The following SNAI1 variants were observed in gnomAD, a reference collection of about 807,000 sequenced individuals.
The protein encoded by SNAI1 is snail family transcriptional repressor 1.
SNAI1 carries 15 observed loss-of-function variants against 24.7 expected under a neutral mutation model. The ratio of observed to expected loss-of-function variants is 0.61; its 90% CI spans 0.41 to 0.93. The LOEUF (loss-of-function observed/expected upper bound fraction) is 0.93. Among genes scored for constraint, SNAI1 ranks in the 40% least tolerant of loss-of-function variants. The probability of loss-of-function intolerance (pLI) is 0.00; values close to 1 mark genes in which losing one functional copy is unlikely to be tolerated. For synonymous variants in SNAI1, 163 were observed against 142.9 expected, an observed-to-expected ratio of 1.14 and a Z score of -1.00; for missense variants, 283 against 336.7, an observed-to-expected ratio of 0.84 and a Z score of 1.25.
chr20:49,983,144 G>C lies in SNAI1; in HGVS notation c.82+3G>C, dbSNP rs929916933. 10 of 1,611,528 alleles carry C rather than the reference G, an allele frequency of 6.2e-6. No homozygotes were observed. The highest frequency in any genetic ancestry group is 1.1e-5 in the South Asian group (1 of 90,948). On this transcript the variant is annotated splice_donor_region_variant and intron_variant, in intron 1 of 2. Transcript: ENST00000244050. ...CGAGCTGCAGGACTCTAATCCAGGT[G>C]CGTTGGAGGGGTTCTGGGCTCCAGG...
chr20:49,987,563 G>A (rs936170152), intron 2 of SNAI1, among the ~76,000 whole-genome samples: 5 of 152,122 alleles, frequency 3.3e-5, no homozygotes, highest in African/African-American at 7.2e-5. Context: ...ACGTCCCTGC[G>A]GGATGTGGAT....
Position 49,983,106 on chromosome 20 carries a change from A to G in SNAI1, c.47A>G (p.Lys16Arg), listed in dbSNP as rs1236903654. Residue 16 changes from lysine (K) to arginine (R), a missense_variant, in exon 1 of 3, where the codon AAG (lysine) becomes AGG (arginine). Coordinates refer to ENST00000244050, the MANE Select transcript of SNAI1 (RefSeq NM_005985.4). ...LVRKPSDPNR[K>R]PNYSELQDSN... is the part of the protein sequence containing the mutation. ...AGGAAGCCCTCCGACCCCAATCGGA[A>G]GCCTAACTACAGCGAGCTGCAGGAC... is the stretch of plus-strand genomic sequence containing the variant. 1 of 1,613,862 alleles carries G rather than the reference A, an allele frequency of 6.2e-7. No individual in the cohort carries two copies. The highest frequency in any genetic ancestry group is 1.3e-5 in the African/African-American group (1 of 75,006).
At position 49,983,227 on chromosome 20, in the gene SNAI1, C is replaced by T; in HGVS notation, c.82+86C>T. 4 of 1,025,568 alleles carry T rather than the reference C, an allele frequency of 3.9e-6. No homozygotes were observed. In the South Asian group the frequency reaches 5.3e-5, roughly 14 times the overall value. The allele number at this position is 1,025,568 out of a possible 1,614,324, so 63.5% of individuals were successfully genotyped here. On this transcript the variant is annotated intron_variant, in intron 1 of 2. Coordinates refer to ENST00000244050, the MANE Select transcript of SNAI1 (RefSeq NM_005985.4). ...GGGGCACCTGAGGGAGGCGGCCTGC[C>T]TGAGCCAGGATCGAGTCACAGGATG...
At chr20:49,984,470 G>A in intron 2 of SNAI1, 119 bp downstream of exon 2, 1 of 1,061,256 alleles carries the variant, frequency 9.4e-7, no homozygotes, top group South Asian at 1.7e-5. Context: ...CTAACTTCTA[G>A]CTCAAGTTCC....
intron 2 of SNAI1, among the ~76,000 whole-genome samples, chr20:49,986,125 A>G (rs1215455590): frequency 6.6e-6 from 1 of 152,236 alleles, no homozygotes; most frequent in Admixed American, 6.5e-5. Flanking sequence ...CCCCTTTTCC[A>G]GATCTCCAGA....
rs932356999 is a variant in SNAI1 at position 49,988,221 on chromosome 20, G to A, written c.*165G>A. Reference sequence around the variant, plus strand: ...AGGACTTTGATGAAGACCATTTTCTGGTTCTGTGTCCTCTGCCTGGGCTCT... The same window carrying A: ...AGGACTTTGATGAAGACCATTTTCTAGTTCTGTGTCCTCTGCCTGGGCTCT... On this transcript the variant is annotated 3_prime_UTR_variant, in exon 3 of 3. Coordinates refer to ENST00000244050, the MANE Select transcript of SNAI1 (RefSeq NM_005985.4). 2 of 620,212 alleles carry A rather than the reference G, an allele frequency of 3.2e-6. No individual in the cohort carries two copies. Among genetic ancestry groups the A allele is most frequent in the African/African-American group, 1.9e-5 (1 of 53,126 alleles). The allele number at this position is 620,212 out of a possible 1,614,324, so 38.4% of individuals were successfully genotyped here.
chr20:49,986,284 C>CT (rs1432015413), intron 2 of SNAI1, among the ~76,000 whole-genome samples: 1 of 152,196 alleles, frequency 6.6e-6, no homozygotes, highest in African/African-American at 2.4e-5. Flanking sequence ...CCCCAATCCT[C>CT]TATGTCCCCC....
intron 2 of SNAI1, among the ~76,000 whole-genome samples, 197 bp downstream of exon 2, chr20:49,984,548 A>G (rs550818623): frequency 3.5e-4 from 53 of 152,328 alleles, no homozygotes; most frequent in African/African-American, 1.2e-3. Flanking sequence ...GGCAAAGCAG[A>G]CACCTTCCCA....
rs749072861 is a variant in SNAI1 at position 49,984,110 on chromosome 20, C to T, written c.369C>T (p.Ala123=). Residue 123 remains alanine (A), a synonymous_variant, in exon 2 of 3, where the codon GCC becomes GCT. Transcript: ENST00000244050. The stretch of plus-strand genomic sequence containing the variant: ...CTACTTCAGTCTCTTCCTTGGAGGC[C>T]GAGGCCTATGCTGCCTTCCCAGGCT... The part of the protein sequence containing the change: ...FSSTSVSSLE[A]EAYAAFPGLG... 14 of 1,614,208 alleles carry T rather than the reference C, an allele frequency of 8.7e-6. No homozygotes were observed. The highest frequency in any genetic ancestry group is 2.2e-5 in the East Asian group (1 of 44,880).
chr20:49,984,424 A>C, intron 2 of SNAI1, 73 bp downstream of exon 2: 1 of 1,426,170 alleles, frequency 7.0e-7, no homozygotes, highest in Non-Finnish European at 9.4e-7. Flanking sequence ...TGCTGTTCTC[A>C]TTCCCAAAGC....
Position 49,987,918 on chromosome 20 carries a change from C to G in SNAI1, c.657C>G (p.Asp219Glu). ...CCCACTGCAGCCGTGCCTTCGCTGA[C>G]CGCTCCAACCTGCGGGCCCACCTCC... The part of the protein sequence containing the change: ...SCPHCSRAFA[D>E]RSNLRAHLQT... Residue 219 changes from aspartate to glutamate, a missense_variant, in exon 3 of 3, where the codon GAC becomes GAG. Transcript: ENST00000244050. 6.2e-7 allele frequency: 1 copy of G among 1,614,150 alleles called. No homozygotes were observed.
chr20:49,984,132 G>C lies in SNAI1; in HGVS notation c.391G>C (p.Gly131Arg). The C allele has an allele frequency of 1.2e-6, 2 of 1,614,200 alleles. No individual in the cohort carries two copies. Among genetic ancestry groups the C allele is most frequent in the Non-Finnish European group, 1.7e-6 (2 of 1,180,028 alleles). ...LEAEAYAAFP[G>R]LGQVPKQLAQ... Reference sequence around the variant, plus strand: ...GGCCGAGGCCTATGCTGCCTTCCCAGGCTTGGGCCAAGTGCCCAAGCAGCT... The same window carrying C: ...GGCCGAGGCCTATGCTGCCTTCCCACGCTTGGGCCAAGTGCCCAAGCAGCT... The change falls in exon 2 of 3, where the codon GGC becomes CGC. Residue 131 changes from glycine (G) to arginine (R), a missense_variant. Gly to Arg is a moderately radical substitution (Grantham distance 125, BLOSUM62 -2). Transcript: ENST00000244050.
rs781536435 is a variant in SNAI1, at chr20:49,984,205, A to C, written c.464A>C (p.Asn155Thr). The stretch of plus-strand genomic sequence containing the variant: ...GATCTCCAGGCTCGAAAGGCCTTCA[A>C]CTGCAAATACTGCAACAAGGAATAC... ...AKDLQARKAF[N>T]CKYCNKEYLS... is the part of the protein sequence containing the mutation. Residue 155 changes from asparagine to threonine, a missense_variant, in exon 2 of 3, where the codon AAC (asparagine) becomes ACC (threonine). Asn to Thr is a moderately conservative substitution (Grantham distance 65, BLOSUM62 0). Transcript: ENST00000244050. The C allele has an allele frequency of 6.2e-7, 1 of 1,614,200 alleles. No individual in the cohort carries two copies. Among genetic ancestry groups the C allele is most frequent in the Non-Finnish European group, 8.5e-7 (1 of 1,180,036 alleles).
chr20:49,985,771 T>C (rs2078331973), intron 2 of SNAI1, among the ~76,000 whole-genome samples: 1 of 152,238 alleles, frequency 6.6e-6, no homozygotes, highest in African/African-American at 2.4e-5. Flanking sequence ...GCCCACTGCA[T>C]GGCAGGCCCC....
At chr20:49,985,918 G>C (rs1418048397) in intron 2 of SNAI1, among the ~76,000 whole-genome samples, 2 of 152,250 alleles carry the variant, frequency 1.3e-5, no homozygotes, top group African/African-American at 4.8e-5. Flanking sequence ...GGGGGTCTGT[G>C]CCTCCTGCGT....
At chr20:49,986,462 A>G (rs1312381869) in intron 2 of SNAI1, among the ~76,000 whole-genome samples, 1 of 152,150 alleles carries the variant, frequency 6.6e-6, no homozygotes, top group African/African-American at 2.4e-5. Flanking sequence ...AGGTGATGGA[A>G]TGAATTCACT....
chr20:49,986,564 T>C (rs2078334655), intron 2 of SNAI1, among the ~76,000 whole-genome samples: 1 of 152,232 alleles, frequency 6.6e-6, no homozygotes, highest in East Asian at 1.9e-4. Flanking sequence ...GATTGGAGAA[T>C]TGCATGTTTT....
chr20:49,984,369 C>T lies in SNAI1; in HGVS notation c.610+18C>T, dbSNP rs754471880. The T allele has an allele frequency of 7.7e-6, 12 of 1,563,920 alleles. No homozygotes were observed. Among genetic ancestry groups the T allele is most frequent in the South Asian group, 2.3e-5 (2 of 85,838 alleles). ...CCACACTGGTACGTGCCCCTCCAGG[C>T]GCCCCCACCGTTGCTCTCTCTGGCA... On this transcript the variant is annotated intron_variant, in intron 2 of 2. Coordinates refer to ENST00000244050, the MANE Select transcript of SNAI1 (RefSeq NM_005985.4).
Position 49,988,008 on chromosome 20 carries a change from C to G in SNAI1, c.747C>G (p.Ser249=). Residue 249 remains serine, a synonymous_variant, in exon 3 of 3, where the codon TCC becomes TCG. Transcript: ENST00000244050. ...QACARTFSRM[S]LLHKHQESGC... The stretch of plus-strand genomic sequence containing the variant: ...GTGCTCGGACCTTCTCCCGAATGTC[C>G]CTGCTCCACAAGCACCAAGAGTCCG... 6.2e-7 allele frequency: 1 copy of G among 1,613,134 alleles called. No individual in the cohort carries two copies. Among genetic ancestry groups the G allele is most frequent in the South Asian group, 1.1e-5 (1 of 90,978 alleles).
Sources: gnomAD v4.1 joint callset for allele counts (sites outside exome capture counted in the v4.1 genomes callset) on GRCh38, gnomAD v4.1.1 for gene constraint, MANE v1.5 for transcripts, NCBI Gene and HGNC (gene_info 2026-07-23, HGNC 2026-07-21) for gene names.